ADAMTSL1: variants seen among roughly 807,000 people sequenced by gnomAD.
ADAMTSL1 encodes ADAMTS like 1, also known as ADAMTS-like protein 1.
In ADAMTSL1, 126 loss-of-function variants were observed where a neutral mutation model predicts 201.8. The ratio of observed to expected loss-of-function variants is 0.62; its 90% CI spans 0.54 to 0.72. ADAMTSL1 has a LOEUF of 0.72. Among genes scored for constraint, ADAMTSL1 ranks in the 30% least tolerant of loss-of-function variants. The pLI, the probability that ADAMTSL1 is intolerant of heterozygous loss-of-function variation, is 0.00. For synonymous variants in ADAMTSL1, 1,121 were observed against 903.4 expected (o/e 1.24, Z -4.32); for missense variants, 2,679 against 2,277.8 (o/e 1.18, Z -3.59).
intron 1 of ADAMTSL1, among the ~76,000 whole-genome samples, chr9:18,500,549 A>C (rs899933025): frequency 6.6e-6 from 1 of 152,160 alleles, no homozygotes; most frequent in African/African-American, 2.4e-5. Flanking sequence ...AGATCTAAAA[A>C]TGGCTGAACT....
At chr9:18,577,801 T>C (rs572657459) in intron 4 of ADAMTSL1, among the ~76,000 whole-genome samples, 2 of 152,186 alleles carry the variant, frequency 1.3e-5, no homozygotes, top group African/African-American at 2.4e-5. Flanking sequence ...AACTTCTTAA[T>C]TGGTTAGGTA....
chr9:17,975,486 A>G (rs183729869), intron 1 of ADAMTSL1, among the ~76,000 whole-genome samples: 53 of 152,092 alleles, frequency 3.5e-4, no homozygotes, highest in Admixed American at 2.3e-3. Context: ...CAAGAGCACT[A>G]ATACCATTCG....
intron 20 of ADAMTSL1, among the ~76,000 whole-genome samples, chr9:18,797,552 C>T (rs887592653): frequency 6.6e-6 from 1 of 151,990 alleles, no homozygotes; most frequent in Non-Finnish European, 1.5e-5. Flanking sequence ...CAAATGTATG[C>T]ATGGAGACCC....
Position 18,892,481 on chromosome 9 carries a change from G to T in ADAMTSL1, c.4736G>T (p.Gly1579Val), listed in dbSNP as rs557986636. 1.9e-6 allele frequency: 3 copies of T among 1,611,828 alleles called. No homozygotes were observed. Among genetic ancestry groups the T allele is most frequent in the African/African-American group, 2.7e-5 (2 of 74,996 alleles). The part of the protein sequence containing the change: ...RVTCQKLKAS[G>V]ISTPVSNDMC... ...ACCTGTCAAAAGCTGAAAGCCTCTG[G>T]GATCTCCACCCCTGTGTCCAATGAC... Residue 1579 changes from glycine (G) to valine (V), a missense_variant, in exon 26 of 29, where the codon GGG (glycine) becomes GTG (valine). Physicochemically the swap from Gly to Val is moderately radical, Grantham distance 109. Coordinates refer to ENST00000380548, the MANE Select transcript of ADAMTSL1 (RefSeq NM_001040272.6).
At chr9:18,607,753 GA>G (rs1825120685) in intron 4 of ADAMTSL1, among the ~76,000 whole-genome samples, 1 of 146,338 alleles carries the variant, frequency 6.8e-6, no homozygotes. Context: ...ACAGTCCCCA[GA>G]GTGCGATGTT....
rs551945654 is a variant in ADAMTSL1, at chr9:18,336,582, C to T, written c.208-168247C>T. Among the ~76,000 whole-genome samples, 11 of 152,210 alleles carry T rather than the reference C, an allele frequency of 7.2e-5. No individual in the cohort carries two copies. In the South Asian group the frequency reaches 2.3e-3, roughly 32 times the overall value. On this transcript the variant is annotated intron_variant, in intron 2 of 29. Coordinates refer to the ADAMTSL1 transcript ENST00000680146. ...TCTTTAGACAATACACAGTATTTTACATCATAGAATTTAAAATTTTTAATG... is the reference window on the plus strand; with the variant it reads ...TCTTTAGACAATACACAGTATTTTATATCATAGAATTTAAAATTTTTAATG...
In ADAMTSL1 at chr9:18,053,723, G is replaced by A. The variant is rs530581772; in HGVS notation, c.88-110139G>A. Reference sequence around the variant, plus strand: ...TTAATTCTTTGAATAAATATTTACTGACCACTCACAATGTACCAGGCTCCG... The same window carrying A: ...TTAATTCTTTGAATAAATATTTACTAACCACTCACAATGTACCAGGCTCCG... On this transcript the variant is annotated intron_variant, in intron 1 of 29. Transcript: ENST00000680146. 4.6e-5 allele frequency among the ~76,000 whole-genome samples: 7 copies of A among 152,166 alleles called. No individual in the cohort carries two copies. In the South Asian group the frequency reaches 1.5e-3, roughly 32 times the overall value.
chr9:18,375,025 T>G (rs1270617740), intron 2 of ADAMTSL1, among the ~76,000 whole-genome samples: 1 of 152,228 alleles, frequency 6.6e-6, no homozygotes, highest in African/African-American at 2.4e-5. Flanking sequence ...TCGGTAGCTT[T>G]CAGGGCACTG....
chr9:18,647,887 T>C (rs1487333612), intron 7 of ADAMTSL1, among the ~76,000 whole-genome samples: 4 of 151,140 alleles, frequency 2.6e-5, no homozygotes, highest in African/African-American at 4.9e-5. Flanking sequence ...GAGAGTTCTG[T>C]AGATGTCTAT....
chr9:18,195,350 G>T (rs912701158), intron 2 of ADAMTSL1, among the ~76,000 whole-genome samples: 19 of 152,098 alleles, frequency 1.2e-4, no homozygotes. Flanking sequence ...AAGGCCATCT[G>T]TGTGCCAGGC....
intron 1 of ADAMTSL1, among the ~76,000 whole-genome samples, chr9:17,961,813 T>A (rs1323381875): frequency 6.6e-6 from 1 of 152,150 alleles, no homozygotes; most frequent in Admixed American, 6.5e-5. Context: ...CTAAGGGAGT[T>A]GCAGGGGAGA....
At chr9:18,082,218 A>G (rs1823530153) in intron 1 of ADAMTSL1, among the ~76,000 whole-genome samples, 1 of 152,236 alleles carries the variant, frequency 6.6e-6, no homozygotes, top group African/African-American at 2.4e-5. Flanking sequence ...ATAGAGGATA[A>G]GAAGTACGAA....
At chr9:18,702,836 C>T (rs1831999198) in intron 13 of ADAMTSL1, among the ~76,000 whole-genome samples, 2 of 151,862 alleles carry the variant, frequency 1.3e-5, no homozygotes, top group Non-Finnish European at 1.5e-5. Flanking sequence ...GATCTTGGCT[C>T]ACTGCAACCT....
At chr9:18,597,783 A>G (rs973794789) in intron 4 of ADAMTSL1, among the ~76,000 whole-genome samples, 21 of 152,198 alleles carry the variant, frequency 1.4e-4, no homozygotes, top group African/African-American at 4.8e-4. Context: ...AAAAATTTAA[A>G]GCATCAAGTA....
intron 1 of ADAMTSL1, among the ~76,000 whole-genome samples, chr9:17,927,307 C>A (rs924269630): frequency 2.0e-5 from 3 of 152,080 alleles, no homozygotes; most frequent in South Asian, 2.1e-4. Context: ...TGTACACATA[C>A]ATGTATACAT....
intron 4 of ADAMTSL1, among the ~76,000 whole-genome samples, chr9:18,598,878 G>A (rs1353246287): frequency 6.6e-6 from 1 of 152,126 alleles, no homozygotes. Flanking sequence ...GGGACGGGGT[G>A]GGCTGGGGAG....
At chr9:18,391,876 G>C (rs1371284834) in intron 2 of ADAMTSL1, among the ~76,000 whole-genome samples, 4 of 141,102 alleles carry the variant, frequency 2.8e-5, no homozygotes, top group Admixed American at 1.5e-4. Context: ...CCAGCCTGGA[G>C]TGCAGTGGCA....
chr9:18,050,633 T>C (rs1821890682), intron 1 of ADAMTSL1, among the ~76,000 whole-genome samples: 1 of 152,140 alleles, frequency 6.6e-6, no homozygotes, highest in African/African-American at 2.4e-5. Flanking sequence ...AATTCTAGTC[T>C]TTTGTAAATC....
chr9:18,415,282 AAG>A (rs1818625065), intron 2 of ADAMTSL1, among the ~76,000 whole-genome samples: 1 of 152,222 alleles, frequency 6.6e-6, no homozygotes, highest in African/African-American at 2.4e-5. Flanking sequence ...TTAGCAGACA[AAG>A]ACATTAAAAC....
Sources: gnomAD v4.1 joint callset for allele counts (sites outside exome capture counted in the v4.1 genomes callset) on GRCh38, gnomAD v4.1.1 for gene constraint, MANE v1.5 for transcripts, NCBI Gene and HGNC (gene_info 2026-07-23, HGNC 2026-07-21) for gene names.